The following NRXN3 variants were observed in gnomAD, a reference collection of about 807,000 sequenced individuals.
NRXN3 encodes the protein neurexin 3.
NRXN3 carries 32 observed loss-of-function variants against 137.6 expected under a neutral mutation model. The ratio of observed to expected loss-of-function variants is 0.23; its 90% CI spans 0.18 to 0.31. The LOEUF (loss-of-function observed/expected upper bound fraction) is 0.31. Among genes scored for constraint, NRXN3 ranks in the 10% least tolerant of loss-of-function variants. The pLI is 1.00. For synonymous variants in NRXN3, 798 were observed against 784.5 expected, an observed-to-expected ratio of 1.02 and a Z score of -0.29; for missense variants, 1,574 against 2,062.5, an observed-to-expected ratio of 0.76 and a Z score of 4.59.
chr14:79,072,985 C>T (rs768406981), intron 15 of NRXN3, among the ~76,000 whole-genome samples: 1 of 151,058 alleles, frequency 6.6e-6, no homozygotes, highest in Non-Finnish European at 1.5e-5. Context: ...TCCCAGGGTT[C>T]AAGTGATTTT....
At chr14:78,470,333 C>T (rs930393078) in intron 4 of NRXN3, among the ~76,000 whole-genome samples, 3 of 152,214 alleles carry the variant, frequency 2.0e-5, no homozygotes, top group African/African-American at 4.8e-5. Context: ...CTGGAATTTT[C>T]ACTTCTTTAA....
intron 2 of NRXN3, among the ~76,000 whole-genome samples, chr14:78,261,548 C>T (rs2070724088): frequency 6.6e-6 from 1 of 152,210 alleles, no homozygotes; most frequent in Non-Finnish European, 1.5e-5. Flanking sequence ...GGCTTTTTGT[C>T]AAGATTTAGT....
intron 16 of NRXN3, among the ~76,000 whole-genome samples, chr14:79,578,124 C>T (rs1021124956): frequency 2.6e-5 from 4 of 152,176 alleles, no homozygotes; most frequent in African/African-American, 7.2e-5. Flanking sequence ...ATAATTTGCT[C>T]ATAGGACTTA....
At chr14:79,117,118 CAT>C (rs2054579415) in intron 15 of NRXN3, among the ~76,000 whole-genome samples, 1 of 152,204 alleles carries the variant, frequency 6.6e-6, no homozygotes, top group South Asian at 2.1e-4. Context: ...ATAAGACACA[CAT>C]AGTCCTTGTC....
At chr14:78,842,130 A>T (rs1033250876) in intron 10 of NRXN3, among the ~76,000 whole-genome samples, 1 of 152,130 alleles carries the variant, frequency 6.6e-6, no homozygotes, top group Non-Finnish European at 1.5e-5. Context: ...TGTGCCTCCT[A>T]TAAGAGTTCA....
chr14:78,232,136 C>T (rs1057161166), intron 1 of NRXN3, among the ~76,000 whole-genome samples: 10 of 152,222 alleles, frequency 6.6e-5, no homozygotes, highest in African/African-American at 9.6e-5. Context: ...GAGGTGTGCC[C>T]GGTAGATGGG....
At chr14:79,705,510 A>G (rs903012933) in intron 19 of NRXN3, among the ~76,000 whole-genome samples, 7 of 152,250 alleles carry the variant, frequency 4.6e-5, no homozygotes, top group Admixed American at 1.3e-4. Context: ...TCCTGCATTA[A>G]TATTGATTTT....
chr14:78,221,830 A>G (rs2063884772), intron 1 of NRXN3, among the ~76,000 whole-genome samples: 1 of 152,188 alleles, frequency 6.6e-6, no homozygotes, highest in Non-Finnish European at 1.5e-5. Flanking sequence ...AGCACTTTTC[A>G]AACTTTTGGT....
chr14:79,071,316 G>C (rs1015679414), intron 15 of NRXN3, among the ~76,000 whole-genome samples: 3 of 151,898 alleles, frequency 2.0e-5, no homozygotes, highest in African/African-American at 7.3e-5. Context: ...CATGTGCCAT[G>C]GTGGTTTGCT....
intron 15 of NRXN3, among the ~76,000 whole-genome samples, chr14:79,215,688 C>A (rs2068385829): frequency 6.6e-6 from 1 of 152,088 alleles, no homozygotes; most frequent in Non-Finnish European, 1.5e-5. Context: ...CCCACTGAGT[C>A]CCTCCCGCAA....
chr14:79,562,943 A>G (rs1321909654), intron 16 of NRXN3, among the ~76,000 whole-genome samples: 5 of 152,126 alleles, frequency 3.3e-5, no homozygotes. Flanking sequence ...AACATGGAAA[A>G]AACTTTGGAG....
chr14:78,666,928 C>G (rs1250738683), intron 6 of NRXN3, among the ~76,000 whole-genome samples: 1 of 152,164 alleles, frequency 6.6e-6, no homozygotes, highest in Admixed American at 6.6e-5. Context: ...TAGTTCCTCC[C>G]TAAATTTAAC....
chr14:79,461,185 C>G (rs192925293), intron 15 of NRXN3, among the ~76,000 whole-genome samples: 163 of 152,094 alleles, frequency 1.1e-3, no homozygotes, highest in African/African-American at 3.7e-3. Flanking sequence ...AGTCTTTATC[C>G]CATTAGTCAT....
intron 16 of NRXN3, among the ~76,000 whole-genome samples, chr14:79,536,263 C>A (rs2097210289): frequency 1.3e-5 from 2 of 151,962 alleles, no homozygotes; most frequent in South Asian, 4.2e-4. Flanking sequence ...CATGGAAAAC[C>A]ATAAGTACGT....
At chr14:79,804,515 T>C (rs2099195670) in intron 19 of NRXN3, among the ~76,000 whole-genome samples, 1 of 152,222 alleles carries the variant, frequency 6.6e-6, no homozygotes, top group South Asian at 2.1e-4. Flanking sequence ...TTGTGTGGTA[T>C]CATGCTACTG....
chr14:79,732,057 T>C (rs2098925779), intron 19 of NRXN3, among the ~76,000 whole-genome samples: 1 of 152,134 alleles, frequency 6.6e-6, no homozygotes, highest in Non-Finnish European at 1.5e-5. Context: ...AAATGTGCCA[T>C]GCAACTTCTA....
At chr14:79,400,922 G>A (rs1190864399) in intron 15 of NRXN3, among the ~76,000 whole-genome samples, 4 of 152,178 alleles carry the variant, frequency 2.6e-5, no homozygotes, top group Non-Finnish European at 5.9e-5. Context: ...GCAGGGCAGA[G>A]ATTATCACTG....
chr14:78,381,152 A>T (rs1452905193), intron 4 of NRXN3, among the ~76,000 whole-genome samples: 1 of 152,222 alleles, frequency 6.6e-6, no homozygotes, highest in Non-Finnish European at 1.5e-5. Context: ...AAATTAGCTC[A>T]AAGTGGATCA....
intron 15 of NRXN3, among the ~76,000 whole-genome samples, chr14:79,412,794 A>AAAAG (rs2095438267): frequency 6.6e-6 from 1 of 150,438 alleles, no homozygotes; most frequent in South Asian, 2.1e-4. Context: ...AAAAAAAAAA[A>AAAAG]AAAAAAAAAA....
Sources: gnomAD v4.1 joint callset for allele counts (sites outside exome capture counted in the v4.1 genomes callset) on GRCh38, gnomAD v4.1.1 for gene constraint, MANE v1.5 for transcripts, NCBI Gene and HGNC (gene_info 2026-07-23, HGNC 2026-07-21) for gene names.